Variants in ARCN1 observed in about 807,000 individuals in gnomAD.
ARCN1 encodes archain 1 coat protein complex I subunit delta.
A neutral mutation model predicts 60.4 loss-of-function variants in ARCN1; 5 were observed. The observed-to-expected ratio is 0.08, with a 90% CI of 0.04 to 0.17. ARCN1 has a LOEUF of 0.17. Ranked by LOEUF, ARCN1 falls within the 10% of genes least tolerant of loss-of-function variation. ARCN1 has a pLI of 1.00. For missense variants in ARCN1, 464 were observed against 626.5 expected, an observed-to-expected ratio of 0.74 and a Z score of 2.77; for synonymous variants, 224 against 220.0, an observed-to-expected ratio of 1.02 and a Z score of -0.16.
At chr11:118,581,967 C>CACA (rs1591383666) in intron 2 of ARCN1, among the ~76,000 whole-genome samples, 2 of 150,350 alleles carry the variant, frequency 1.3e-5, no homozygotes, top group African/African-American at 2.4e-5. Flanking sequence ...CACACACACA[C>CACA]CTTTTAAGAC....
chr11:118,583,084 G>A (rs534132740), intron 2 of ARCN1, 95 bp from the exon 3 acceptor site: 4 of 1,372,938 alleles, frequency 2.9e-6, no homozygotes, highest in Admixed American at 4.1e-5. Context: ...AAGGGATTTA[G>A]GTTATTGAAA....
Position 118,601,757 on chromosome 11 carries a change from A to G in ARCN1, c.*1043A>G, listed in dbSNP as rs1555078203. The G allele has an allele frequency of 5.7e-6, 4 of 702,506 alleles. No homozygotes were observed. The Admixed American group carries it at 8.0e-5, about 14-fold the overall frequency. 43.5% of individuals were successfully genotyped at this position (702,506 alleles called of 1,614,324 possible). ...AGTACCATGAATCCCACTTGTGTCA[A>G]TATTAAAGATAGCTGAGAAGCACCT... On this transcript the variant is annotated 3_prime_UTR_variant, in exon 10 of 10. Transcript: ENST00000264028.
intron 1 of ARCN1, among the ~76,000 whole-genome samples, chr11:118,573,949 A>G (rs1469816939): frequency 1.3e-5 from 2 of 152,224 alleles, no homozygotes; most frequent in African/African-American, 2.4e-5. Context: ...ATTTTAGAGC[A>G]TATTTTTATT....
At chr11:118,576,426 T>TCA (rs782579401) in intron 1 of ARCN1, among the ~76,000 whole-genome samples, 1 of 108,778 alleles carries the variant, frequency 9.2e-6, no homozygotes, top group Non-Finnish European at 1.8e-5. Flanking sequence ...CCAAAAATGT[T>TCA]AAAAAAAAAA....
chr11:118,595,167 T>A lies in ARCN1; in HGVS notation c.1241+1469T>A, dbSNP rs142162301. On this transcript the variant is annotated intron_variant, in intron 8 of 9. Coordinates refer to ENST00000264028, the MANE Select transcript of ARCN1 (RefSeq NM_001655.5). ...CACCTGGCCTGGAGCTGTTTTTAGA[T>A]GTTGGTCCTCAGCTTGTTTGTGTAG... 3.9e-5 allele frequency among the ~76,000 whole-genome samples: 6 copies of A among 152,332 alleles called. No homozygotes were observed. In the East Asian group the frequency reaches 1.2e-3, roughly 29 times the overall value.
chr11:118,578,441 G>A (rs782478794), intron 1 of ARCN1, among the ~76,000 whole-genome samples: 8 of 152,058 alleles, frequency 5.3e-5, no homozygotes, highest in Non-Finnish European at 1.0e-4. Context: ...GGTCTGAGCT[G>A]TCCTTTCTTT....
chr11:118,579,994 A>G (rs1591382618), intron 1 of ARCN1, among the ~76,000 whole-genome samples: 2 of 152,154 alleles, frequency 1.3e-5, no homozygotes, highest in East Asian at 3.8e-4. Flanking sequence ...TTGCTTTTAA[A>G]AGGAATATTT....
At chr11:118,581,701 A>G (rs539118141) in intron 2 of ARCN1, among the ~76,000 whole-genome samples, 192 bp downstream of exon 2, 32 of 152,286 alleles carry the variant, frequency 2.1e-4, no homozygotes, top group Admixed American at 2.0e-3. Flanking sequence ...AGATGTCTCA[A>G]AAGAATATGG....
rs1555076030 is a variant in ARCN1, at chr11:118,590,126, G to A, written c.819-215G>A. 2.0e-5 allele frequency among the ~76,000 whole-genome samples: 3 copies of A among 152,278 alleles called. No individual in the cohort carries two copies. The East Asian group carries it at 5.8e-4, about 29-fold the overall frequency. ...TTCTCCTGCCTTAGCCTCCCAAGTA[G>A]CTGGGACTACAGGCATGCACCACCA... is the stretch of plus-strand genomic sequence containing the variant. On this transcript the variant is annotated intron_variant, in intron 5 of 9. Coordinates refer to ENST00000264028, the MANE Select transcript of ARCN1 (RefSeq NM_001655.5).
intron 5 of ARCN1, among the ~76,000 whole-genome samples, chr11:118,587,698 C>A (rs1555075684): frequency 6.6e-6 from 1 of 152,188 alleles, no homozygotes; most frequent in Admixed American, 6.5e-5. Flanking sequence ...CAATTCAATT[C>A]TGATGCTATC....
chr11:118,574,205 C>T (rs1167202664), intron 1 of ARCN1, among the ~76,000 whole-genome samples: 1 of 152,164 alleles, frequency 6.6e-6, no homozygotes, highest in Non-Finnish European at 1.5e-5. Flanking sequence ...CAGATACCCA[C>T]AGATTTGTGT....
At chr11:118,592,895 T>G in intron 7 of ARCN1, 39 bp downstream of exon 7, 2 of 1,576,048 alleles carry the variant, frequency 1.3e-6, no homozygotes, top group Non-Finnish European at 1.7e-6. Flanking sequence ...CTAGTTTGCA[T>G]TGAGAACTAG....
In ARCN1 at chr11:118,593,212, G is replaced by A. The variant is rs55822502; in HGVS notation, c.1132+356G>A. On this transcript the variant is annotated intron_variant, in intron 7 of 9. Coordinates refer to ENST00000264028, the MANE Select transcript of ARCN1 (RefSeq NM_001655.5). Reference sequence around the variant, plus strand: ...TTTAGTAGCTGGGACTAGGACTATAGGCACATGCCACCACATCCAGCTAAC... The same window carrying A: ...TTTAGTAGCTGGGACTAGGACTATAAGCACATGCCACCACATCCAGCTAAC... 3.6e-3 allele frequency among the ~76,000 whole-genome samples: 548 copies of A among 151,986 alleles called. 1 individual carries two copies. Among genetic ancestry groups the A allele is most frequent in the Non-Finnish European group, 4.8e-3 (328 of 67,970 alleles).
chr11:118,593,712 C>A lies in ARCN1; in HGVS notation c.1241+14C>A, dbSNP rs1938963826. On this transcript the variant is annotated intron_variant, in intron 8 of 9. Transcript: ENST00000264028. ...CATCCCACTCCCGTAAGTGCTGTCC[C>A]TGTGTCCTCTACGGTGGACTTAGAG... 1.9e-6 allele frequency: 3 copies of A among 1,563,208 alleles called. No homozygotes were observed. The highest frequency in any genetic ancestry group is 3.3e-5 in the Admixed American group (2 of 59,814).
In ARCN1 at chr11:118,572,884, C is replaced by A. The variant is rs1938383024; in HGVS notation, c.3+334C>A. On this transcript the variant is annotated intron_variant, in intron 1 of 9. Transcript: ENST00000264028. ...GGTGCGGGTCCCAGGCTGCGGACCT[C>A]GGAACTGATGCTGTCCCGCCGGTTC... The A allele has an allele frequency of 8.5e-6, 3 of 352,570 alleles. No homozygotes were observed. In the East Asian group the frequency reaches 1.4e-4, roughly 17 times the overall value. The allele number at this position is 352,570 out of a possible 1,614,324, so 21.8% of individuals were successfully genotyped here. A position where few individuals can be genotyped will look rare whatever the true frequency, so the allele number is the denominator to read the frequency against.
intron 8 of ARCN1, chr11:118,594,041 G>A: frequency 5.7e-6 from 1 of 176,600 alleles, no homozygotes; most frequent in South Asian, 1.5e-4. Flanking sequence ...GAGAAGATTA[G>A]CATGGGCCCT....
At chr11:118,581,577 T>G in intron 2 of ARCN1, 68 bp downstream of exon 2, 1 of 1,518,940 alleles carries the variant, frequency 6.6e-7, no homozygotes, top group South Asian at 1.3e-5. Context: ...TAGTTTTTCC[T>G]CCAAAGCAGC....
rs531093968 is a variant in ARCN1, at chr11:118,572,495, C to G, written c.-53C>G. On this transcript the variant is annotated 5_prime_UTR_variant, in exon 1 of 10. Coordinates refer to ENST00000264028, the MANE Select transcript of ARCN1 (RefSeq NM_001655.5). ...TGGTGCTCCCGTTCCCCAGACCCTA[C>G]CCCTATCCCCAGTGGAGCCGGAGTG... 1.2e-4 allele frequency: 196 copies of G among 1,607,110 alleles called. No individual in the cohort carries two copies. In the African/African-American group the frequency reaches 2.4e-3, roughly 20 times the overall value.
intron 9 of ARCN1, among the ~76,000 whole-genome samples, chr11:118,598,690 T>TC (rs781948851): frequency 2.6e-5 from 4 of 151,948 alleles, no homozygotes; most frequent in Non-Finnish European, 5.9e-5. Flanking sequence ...AGACGGGGTT[T>TC]CTCCATGTTG....
Sources: allele counts gnomAD v4.1 joint callset (sites outside exome capture counted in the v4.1 genomes callset), GRCh38; gene constraint gnomAD v4.1.1; transcripts MANE v1.5; gene names NCBI Gene and HGNC (gene_info 2026-07-23, HGNC 2026-07-21).